The following BCL2L13 variants were observed in gnomAD, a reference collection of about 807,000 sequenced individuals.
BCL2L13 encodes the protein BCL2 like 13, also known as bcl-2-like protein 13.
In BCL2L13, 13 loss-of-function variants were observed where a neutral mutation model predicts 25.8. The ratio of observed to expected loss-of-function variants is 0.50; its 90% CI spans 0.33 to 0.80. BCL2L13 has a LOEUF of 0.80. Among genes scored for constraint, BCL2L13 ranks in the 30% least tolerant of loss-of-function variants. The probability of loss-of-function intolerance (pLI) is 0.02; values close to 1 mark genes in which losing one functional copy is unlikely to be tolerated. For missense variants in BCL2L13, 504 were observed against 574.9 expected, an observed-to-expected ratio of 0.88 and a Z score of 1.26; for synonymous variants, 244 against 230.3, an observed-to-expected ratio of 1.06 and a Z score of -0.54.
intron 6 of BCL2L13, among the ~76,000 whole-genome samples, chr22:17,725,756 ATTTTAAT>A (rs1371899160): frequency 1.3e-5 from 2 of 150,746 alleles, no homozygotes; most frequent in African/African-American, 4.9e-5. Context: ...AGTGTTTTGG[ATTTTAAT>A]TTTTTTTTTT....
chr22:17,696,482 T>A (rs2060267738), intron 5 of BCL2L13, among the ~76,000 whole-genome samples: 1 of 152,198 alleles, frequency 6.6e-6, no homozygotes. Context: ...GACATAACAT[T>A]TATCTCCAGA....
At chr22:17,689,256 C>T in intron 4 of BCL2L13, 114 bp downstream of exon 4, 1 of 887,584 alleles carries the variant, frequency 1.1e-6, no homozygotes, top group Non-Finnish European at 1.6e-6. Flanking sequence ...TCTTTTCTCA[C>T]TTTTCTTTAC....
intron 2 of BCL2L13, among the ~76,000 whole-genome samples, chr22:17,664,925 G>A (rs546749602): frequency 6.6e-6 from 1 of 152,204 alleles, no homozygotes; most frequent in Non-Finnish European, 1.5e-5. Context: ...TTCCCTCCTA[G>A]GACTGTGATG....
rs566747222 is a variant in BCL2L13, at chr22:17,696,215, C to T, written c.456+5C>T. 100 of 1,611,164 alleles carry T rather than the reference C, an allele frequency of 6.2e-5. No homozygotes were observed. Among genetic ancestry groups the T allele is most frequent in the Admixed American group, 1.5e-4 (9 of 60,014 alleles). On this transcript the variant is annotated splice_donor_5th_base_variant and intron_variant, in intron 5 of 6. Coordinates refer to ENST00000317582, the MANE Select transcript of BCL2L13 (RefSeq NM_015367.4). The stretch of plus-strand genomic sequence containing the variant: ...CATGCCAGCGGCTGGAATAAGGTAT[C>T]ATCACAATGATCTTTTCTCTTAAAA...
intron 3 of BCL2L13, among the ~76,000 whole-genome samples, chr22:17,686,100 A>G (rs148857912): frequency 2.4e-3 from 364 of 152,220 alleles, no homozygotes; most frequent in Non-Finnish European, 3.8e-3. Flanking sequence ...GATCAAAATT[A>G]TAAATTATGT....
chr22:17,685,994 G>T lies in BCL2L13; in HGVS notation c.229+2673G>T, dbSNP rs1321068539. 7.3e-5 allele frequency among the ~76,000 whole-genome samples: 11 copies of T among 151,040 alleles called. No individual in the cohort carries two copies. In the South Asian group the frequency reaches 2.1e-3, roughly 29 times the overall value. On this transcript the variant is annotated intron_variant, in intron 3 of 6. Transcript: ENST00000317582. ...TCACCGTGTTAGCCAGGATGTTCTTGATCTCCTGACCTCATGACCCGCCCA... is the reference window on the plus strand; with the variant it reads ...TCACCGTGTTAGCCAGGATGTTCTTTATCTCCTGACCTCATGACCCGCCCA...
At chr22:17,654,873 T>C (rs1166776669) in intron 1 of BCL2L13, among the ~76,000 whole-genome samples, 1 of 151,856 alleles carries the variant, frequency 6.6e-6, no homozygotes, top group East Asian at 1.9e-4. Context: ...AGGCAGGCCC[T>C]ACCACGCCCA....
At chr22:17,654,381 G>A (rs2058782867) in intron 1 of BCL2L13, among the ~76,000 whole-genome samples, 1 of 151,216 alleles carries the variant, frequency 6.6e-6, no homozygotes, top group Non-Finnish European at 1.5e-5. Context: ...GGGATTATGG[G>A]TATGAGCCAG....
intron 1 of BCL2L13, chr22:17,629,012 T>C (rs933290819): frequency 1.2e-5 from 3 of 256,544 alleles, no homozygotes; most frequent in African/African-American, 6.6e-5. Context: ...TTAGGTATAT[T>C]GGAGAATGTG....
intron 3 of BCL2L13, among the ~76,000 whole-genome samples, chr22:17,684,945 G>C (rs907755614): frequency 1.3e-5 from 2 of 152,056 alleles, no homozygotes; most frequent in Non-Finnish European, 2.9e-5. Context: ...TGTTAGCCAG[G>C]ATGGTCTCGT....
At chr22:17,709,021 G>A (rs2060665966) in intron 6 of BCL2L13, among the ~76,000 whole-genome samples, 1 of 150,256 alleles carries the variant, frequency 6.7e-6, no homozygotes, top group African/African-American at 2.5e-5. Flanking sequence ...GACTCACAAG[G>A]TCAGGAGATC....
chr22:17,715,529 G>A (rs1019681804), intron 6 of BCL2L13, among the ~76,000 whole-genome samples: 2 of 151,966 alleles, frequency 1.3e-5, no homozygotes, highest in Admixed American at 6.6e-5. Flanking sequence ...AATAAAATAT[G>A]TATTGAATCC....
chr22:17,706,967 T>G, intron 6 of BCL2L13: 1 of 590,038 alleles, frequency 1.7e-6, no homozygotes, highest in Non-Finnish European at 2.5e-6. Context: ...AAAATTAATC[T>G]TTGTCATTTT....
chr22:17,655,549 A>G (rs529025818), intron 1 of BCL2L13, 113 bp from the exon 2 acceptor site: 16 of 761,544 alleles, frequency 2.1e-5, no homozygotes, highest in African/African-American at 1.8e-4. Flanking sequence ...TGCCTGAGCG[A>G]CAAGAGCAAG....
At chr22:17,711,113 T>C (rs901991315) in intron 6 of BCL2L13, among the ~76,000 whole-genome samples, 1 of 151,758 alleles carries the variant, frequency 6.6e-6, no homozygotes, top group African/African-American at 2.4e-5. Flanking sequence ...TCCCAGCAAC[T>C]CAAGAGGCTG....
chr22:17,646,716 C>CTTTTTTTTTTTTTTTTTTTTT (rs10684670), intron 1 of BCL2L13, among the ~76,000 whole-genome samples: 1 of 89,192 alleles, frequency 1.1e-5, no homozygotes, highest in African/African-American at 4.7e-5. Context: ...AAATATCTGT[C>CTTTTTTTTTTTTTTTTTTTTT]TTTTTTTTTT....
chr22:17,688,851 T>A, intron 3 of BCL2L13, 135 bp from the exon 4 acceptor site: 46 of 581,744 alleles, frequency 7.9e-5, no homozygotes, highest in East Asian at 4.0e-4. Flanking sequence ...CACCACAACC[T>A]CTGCCTCCTG....
In BCL2L13 at chr22:17,638,829, C is replaced by T. The variant is rs189051470; in HGVS notation, c.-108C>T. The T allele has an allele frequency of 1.1e-5, 13 of 1,232,084 alleles. No individual in the cohort carries two copies. In the South Asian group the frequency reaches 1.6e-4, roughly 16 times the overall value. The allele number at this position is 1,232,084 out of a possible 1,614,324, so 76.3% of individuals were successfully genotyped here. A position where few individuals can be genotyped will look rare whatever the true frequency, so the allele number is the denominator to read the frequency against. On this transcript the variant is annotated 5_prime_UTR_variant, in exon 1 of 7. Coordinates refer to ENST00000317582, the MANE Select transcript of BCL2L13 (RefSeq NM_015367.4). ...ACTCACCGCCGCTGGGGGACCCTGT[C>T]GGAAGCAACTGCCGCCGCCGCCTCT... is the stretch of plus-strand genomic sequence containing the variant.
chr22:17,693,186 T>C (rs1412955327), intron 4 of BCL2L13, among the ~76,000 whole-genome samples: 1 of 151,434 alleles, frequency 6.6e-6, no homozygotes, highest in Admixed American at 6.6e-5. Flanking sequence ...GATATAATAA[T>C]ATGTAATATA....
Sources: gnomAD v4.1 joint callset for allele counts (sites outside exome capture counted in the v4.1 genomes callset) on GRCh38, gnomAD v4.1.1 for gene constraint, MANE v1.5 for transcripts, NCBI Gene and HGNC (gene_info 2026-07-23, HGNC 2026-07-21) for gene names.